Variants in UGT1A6 observed in about 807,000 individuals in gnomAD.
The protein encoded by UGT1A6 is UDP glucuronosyltransferase family 1 member A6.
In UGT1A6, 32 loss-of-function variants were observed where a neutral mutation model predicts 44.4. The observed-to-expected ratio is 0.72, with a 90% confidence interval of 0.54 to 0.97. The LOEUF (loss-of-function observed/expected upper bound fraction) is 0.97. Among genes scored for constraint, UGT1A6 ranks in the 50% least tolerant of loss-of-function variants. The probability of loss-of-function intolerance (pLI) is 0.00; values close to 1 mark genes in which losing one functional copy is unlikely to be tolerated. For synonymous variants in UGT1A6, 238 were observed against 248.5 expected, an observed-to-expected ratio of 0.96 and a Z score of 0.40; for missense variants, 685 against 661.9, an observed-to-expected ratio of 1.03 and a Z score of -0.38.
At chr2:233,747,254 C>A in intron 1 of UGT1A6, 1 of 1,600,766 alleles carries the variant, frequency 6.2e-7, no homozygotes, top group Admixed American at 1.7e-5. Flanking sequence ...TGGCTGGCCA[C>A]AGGAGTGCTA....
intron 1 of UGT1A6, chr2:233,718,669 AT>A (rs2076674344): frequency 6.5e-7 from 1 of 1,549,232 alleles, no homozygotes; most frequent in East Asian, 2.4e-5. Context: ...TTATAGATTA[AT>A]GGGTAATAAG....
chr2:233,728,275 C>T (rs45459598), intron 1 of UGT1A6, among the ~76,000 whole-genome samples: 67 of 152,164 alleles, frequency 4.4e-4, no homozygotes, highest in Non-Finnish European at 6.9e-4. Context: ...CTGGAGCCTT[C>T]GGCATTCAGA....
intron 1 of UGT1A6, among the ~76,000 whole-genome samples, chr2:233,766,091 G>A (rs558812390): frequency 4.6e-5 from 7 of 152,254 alleles, no homozygotes; most frequent in African/African-American, 1.7e-4. Flanking sequence ...AAGGACAGAG[G>A]GCTTTCTGTA....
rs116287140 is a variant in UGT1A6, at chr2:233,728,043, T to C, written c.861+34178T>C. 7.7e-3 allele frequency among the ~76,000 whole-genome samples: 1,172 copies of C among 152,330 alleles called. 16 individuals are homozygous for C. The highest frequency in any genetic ancestry group is 0.027 in the African/African-American group (1,131 of 41,566). On this transcript the variant is annotated intron_variant, in intron 1 of 4. Transcript: ENST00000305139. ...GTGACTTTCTGGAGTAGGATAAGCC[T>C]CATTGGGCTTGAGGCCCTTGTGAGT...
chr2:233,757,560 A>ATATATATATG (rs904896556), intron 1 of UGT1A6, among the ~76,000 whole-genome samples: 18 of 123,146 alleles, frequency 1.5e-4, no homozygotes, highest in African/African-American at 6.1e-4. Flanking sequence ...ATATATATAT[A>ATATATATATG]TGTATATATG....
At position 233,772,260 on chromosome 2, in the gene UGT1A6, A is replaced by G; in HGVS notation, c.1302-2A>G. 1 of 1,614,264 alleles carries G rather than the reference A, an allele frequency of 6.2e-7. No homozygotes were observed. Among genetic ancestry groups the G allele is most frequent in the Non-Finnish European group, 8.5e-7 (1 of 1,180,050 alleles). ...GCATAACGAAACTGTCTTTGTGTTT[A>G]GTTACAAGGAGAACATCATGCGCCT... On this transcript the variant is annotated splice_acceptor_variant, in intron 4 of 4. Transcript: ENST00000305139. LOFTEE classifies it high-confidence loss of function.
chr2:233,756,334 A>G (rs1057243294), intron 1 of UGT1A6: 3 of 152,176 alleles, frequency 2.0e-5, no homozygotes, highest in African/African-American at 7.2e-5. Context: ...ACCTCTAGTC[A>G]TCTCTTGATT....
intron 1 of UGT1A6, among the ~76,000 whole-genome samples, chr2:233,694,785 T>TA (rs2075240916): frequency 1.3e-5 from 2 of 152,176 alleles, no homozygotes; most frequent in African/African-American, 4.8e-5. Context: ...GGGATGGGGA[T>TA]AACTGAAATG....
chr2:233,727,264 C>T (rs1345980059), intron 1 of UGT1A6, among the ~76,000 whole-genome samples: 1 of 152,152 alleles, frequency 6.6e-6, no homozygotes, highest in East Asian at 1.9e-4. Flanking sequence ...CAGACCCCTC[C>T]TCATCTCCAG....
At position 233,735,860 on chromosome 2, in the gene UGT1A6, G is replaced by A. The variant is rs189938280; in HGVS notation, c.862-31174G>A. ...GCCCCCACTCTCTTCTGTCTTGTAG[G>A]GTTTCTGCAGAGAGATCTGCTGTTA... On this transcript the variant is annotated intron_variant, in intron 1 of 4. Coordinates refer to ENST00000305139, the MANE Select transcript of UGT1A6 (RefSeq NM_001072.4). Among the ~76,000 whole-genome samples the A allele has an allele frequency of 7.9e-5, 12 of 151,742 alleles. No individual in the cohort carries two copies. The East Asian group carries it at 1.9e-3, about 24-fold the overall frequency.
intron 1 of UGT1A6, among the ~76,000 whole-genome samples, chr2:233,718,242 C>T (rs2076642509): frequency 6.6e-6 from 1 of 152,148 alleles, no homozygotes; most frequent in Non-Finnish European, 1.5e-5. Flanking sequence ...CCTCTTTGAG[C>T]TTTACAAGAA....
At chr2:233,730,562 ACACGAAGTT>A (rs963460994) in intron 1 of UGT1A6, among the ~76,000 whole-genome samples, 4 of 152,160 alleles carry the variant, frequency 2.6e-5, no homozygotes, top group Admixed American at 6.5e-5. Context: ...AGAGAATGAC[ACACGAAGTT>A]CAGTTTCCAG....
intron 1 of UGT1A6, chr2:233,748,060 A>T: frequency 1.9e-6 from 3 of 1,613,406 alleles, no homozygotes; most frequent in Non-Finnish European, 2.5e-6. Flanking sequence ...AACTGTGCCA[A>T]CAGGAAGCCA....
chr2:233,692,100 T>G (rs2075078223), upstream of UGT1A6: 1 of 152,182 alleles, frequency 6.6e-6, no homozygotes, highest in African/African-American at 2.4e-5. Flanking sequence ...TGATCACCGA[T>G]GGGCAACAAT....
intron 1 of UGT1A6, among the ~76,000 whole-genome samples, chr2:233,757,535 A>AATATATATACATATAC (rs376887521): frequency 1.6e-3 from 143 of 88,240 alleles, no homozygotes; most frequent in Middle Eastern, 5.7e-3. Flanking sequence ...GCCTGTAAGG[A>AATATATATACATATAC]ATATATATAT....
At chr2:233,733,441 G>A (rs189365163) in intron 1 of UGT1A6, among the ~76,000 whole-genome samples, 194 of 152,182 alleles carry the variant, frequency 1.3e-3, no homozygotes, top group Non-Finnish European at 1.4e-3. Context: ...TATTGGCTGC[G>A]GGTTTGTCAT....
At chr2:233,737,202 T>A (rs1346629064) in intron 1 of UGT1A6, among the ~76,000 whole-genome samples, 3 of 152,198 alleles carry the variant, frequency 2.0e-5, no homozygotes, top group Non-Finnish European at 4.4e-5. Flanking sequence ...TGAGCTGCGG[T>A]GGACTCTGTT....
In UGT1A6 at chr2:233,693,556, A is replaced by C. The variant is rs1105879; in HGVS notation, c.552A>C (p.Arg184Ser). The C allele has an allele frequency of 0.35, 557,689 of 1,613,924 alleles. 98,561 individuals carry two copies. The highest frequency in any genetic ancestry group is 0.44 in the South Asian group (40,333 of 91,082). ...FPCSLEHTFSRSPDPVSYIPR... is the reference protein window; with the variant it reads ...FPCSLEHTFSSSPDPVSYIPR... ...GTTCCCTGGAGCATACATTCAGCAG[A>C]AGCCCAGACCCTGTGTCCTACATTC... The change falls in exon 1 of 5, where the codon AGA (arginine) becomes AGC (serine). Residue 184 changes from arginine (R) to serine (S), a missense_variant. Arg to Ser is a moderately radical substitution (Grantham distance 110, BLOSUM62 -1). Coordinates refer to ENST00000305139, the MANE Select transcript of UGT1A6 (RefSeq NM_001072.4).
At chr2:233,736,960 T>C (rs1472477561) in intron 1 of UGT1A6, among the ~76,000 whole-genome samples, 1 of 152,166 alleles carries the variant, frequency 6.6e-6, no homozygotes, top group Non-Finnish European at 1.5e-5. Context: ...TGGCCCCTAC[T>C]GGGAGGTGTT....
Sources: allele counts gnomAD v4.1 joint callset (sites outside exome capture counted in the v4.1 genomes callset), GRCh38; gene constraint gnomAD v4.1.1; transcripts MANE v1.5; gene names NCBI Gene and HGNC (gene_info 2026-07-23, HGNC 2026-07-21).